The following PRDM16 variants were observed in gnomAD, a reference collection of about 807,000 sequenced individuals.
PRDM16 encodes PR/SET domain 16, also known as histone-lysine N-methyltransferase PRDM16.
Under a neutral mutation model 110.6 loss-of-function variants are expected in PRDM16, and 23 were observed. The ratio of observed to expected loss-of-function variants is 0.21; its 90% CI spans 0.15 to 0.29. PRDM16 has a LOEUF of 0.29. Among genes scored for constraint, PRDM16 ranks in the 10% least tolerant of loss-of-function variants. PRDM16 has a pLI of 1.00. For synonymous variants in PRDM16, 799 were observed against 781.8 expected (o/e 1.02, Z -0.37); for missense variants, 1,615 against 1,794.3 (o/e 0.90, Z 1.81).
intron 3 of PRDM16, among the ~76,000 whole-genome samples, chr1:3,356,366 G>A (rs759631218): frequency 3.9e-5 from 6 of 152,312 alleles, no homozygotes; most frequent in Middle Eastern, 3.4e-3. Flanking sequence ...CAGGACGTGC[G>A]GCTGCCGTCT....
chr1:3,317,001 C>A (rs1641623064), intron 3 of PRDM16, among the ~76,000 whole-genome samples: 1 of 152,092 alleles, frequency 6.6e-6, no homozygotes, highest in Non-Finnish European at 1.5e-5. Context: ...GAAGCAGTGA[C>A]ATGGGGTAGC....
chr1:3,429,294 G>A (rs554572815), intron 14 of PRDM16, among the ~76,000 whole-genome samples: 1 of 152,370 alleles, frequency 6.6e-6, no homozygotes, highest in South Asian at 2.1e-4. Context: ...AGCCAAACCA[G>A]CCACTGGGCC....
chr1:3,103,974 C>A (rs573761772), intron 1 of PRDM16, among the ~76,000 whole-genome samples: 2 of 152,332 alleles, frequency 1.3e-5, no homozygotes, highest in Admixed American at 1.3e-4. Flanking sequence ...CAAACCTATA[C>A]AATTTTTTAA....
At chr1:3,291,495 C>T (rs1348705942) in intron 3 of PRDM16, among the ~76,000 whole-genome samples, 2 of 152,160 alleles carry the variant, frequency 1.3e-5, no homozygotes, top group African/African-American at 4.8e-5. Context: ...ATCACTGATC[C>T]AGCAGCTGAA....
At chr1:3,415,506 C>T (rs1014155660) in intron 10 of PRDM16, among the ~76,000 whole-genome samples, 1 of 152,258 alleles carries the variant, frequency 6.6e-6, no homozygotes, top group Non-Finnish European at 1.5e-5. Context: ...CTTAGCGCCT[C>T]CCATTGTTTC....
intron 3 of PRDM16, among the ~76,000 whole-genome samples, chr1:3,328,031 C>T (rs1428879150): frequency 6.6e-6 from 1 of 152,244 alleles, no homozygotes; most frequent in Non-Finnish European, 1.5e-5. Flanking sequence ...GGACCGGAAT[C>T]CCCCACAGGA....
chr1:3,432,050 T>C lies in PRDM16; in HGVS notation c.3606T>C (p.Ala1202=), dbSNP rs1323540261. 1 of 1,613,916 alleles carries C rather than the reference T, an allele frequency of 6.2e-7. No individual in the cohort carries two copies. The highest frequency in any genetic ancestry group is 8.5e-7 in the Non-Finnish European group (1 of 1,179,936). The change falls in exon 16 of 17, where the codon GCT becomes GCC. Residue 1202 remains alanine, a synonymous_variant. Coordinates refer to ENST00000270722, the MANE Select transcript of PRDM16 (RefSeq NM_022114.4). ...AGGGGCTGGACCTCCGCAGAGCAGC[T>C]GAGGAAGCATTTGAAGTTAAAGATG... is the stretch of plus-strand genomic sequence containing the variant. ...FGKGLDLRRA[A]EEAFEVKDVL... is the part of the protein sequence containing the mutation.
chr1:3,145,932 G>A (rs1643640840), intron 1 of PRDM16, among the ~76,000 whole-genome samples: 2 of 152,326 alleles, frequency 1.3e-5, no homozygotes, highest in South Asian at 2.1e-4. Context: ...AGGTCCCCCG[G>A]CGCCCCCCGG....
chr1:3,214,399 A>C (rs1468193578), intron 2 of PRDM16, among the ~76,000 whole-genome samples: 7 of 152,204 alleles, frequency 4.6e-5, no homozygotes, highest in Non-Finnish European at 1.5e-5. Flanking sequence ...CGCAGGCCTC[A>C]GAACTCCAAG....
At chr1:3,174,067 G>A (rs1025266154) in intron 1 of PRDM16, among the ~76,000 whole-genome samples, 2 of 152,206 alleles carry the variant, frequency 1.3e-5, no homozygotes, top group Non-Finnish European at 2.9e-5. Context: ...CTACTCCGGA[G>A]GCCAGAGACA....
intron 14 of PRDM16, 74 bp downstream of exon 14, chr1:3,426,299 T>A: frequency 7.8e-7 from 1 of 1,282,048 alleles, no homozygotes; most frequent in Admixed American, 1.8e-5. Context: ...TCAGAGGACA[T>A]GCACCTCCAC....
At chr1:3,100,724 C>A (rs1188538086) in intron 1 of PRDM16, among the ~76,000 whole-genome samples, 1 of 152,168 alleles carries the variant, frequency 6.6e-6, no homozygotes, top group African/African-American at 2.4e-5. Context: ...TACACCCACA[C>A]ACGCCCTATA....
chr1:3,076,855 C>A (rs1395120942), intron 1 of PRDM16, among the ~76,000 whole-genome samples: 1 of 152,226 alleles, frequency 6.6e-6, no homozygotes, highest in Non-Finnish European at 1.5e-5. Context: ...TCTCCTCTGA[C>A]ACCAAATGTA....
intron 1 of PRDM16, among the ~76,000 whole-genome samples, chr1:3,146,654 C>T (rs147201817): frequency 0.038 from 4,548 of 120,642 alleles, 160 homozygotes; most frequent in Admixed American, 0.064. Flanking sequence ...TGTGTGTGTG[C>T]ACGTGTGTGC....
chr1:3,172,723 C>T (rs920679272), intron 1 of PRDM16, among the ~76,000 whole-genome samples: 32 of 152,288 alleles, frequency 2.1e-4, no homozygotes, highest in Admixed American at 2.0e-3. Context: ...ATCCCACTTA[C>T]GGGAGGTCCC....
At chr1:3,297,358 G>C (rs1187716840) in intron 3 of PRDM16, among the ~76,000 whole-genome samples, 1 of 146,712 alleles carries the variant, frequency 6.8e-6, no homozygotes, top group Non-Finnish European at 1.5e-5. Context: ...ATCTTGGCTC[G>C]CTGCAACCTC....
intron 2 of PRDM16, among the ~76,000 whole-genome samples, chr1:3,194,633 G>GA: frequency 6.8e-6 from 1 of 147,194 alleles, no homozygotes; most frequent in Non-Finnish European, 1.5e-5. Context: ...ACACGCCACC[G>GA]TCTCCCCGCC....
At chr1:3,233,884 G>T (rs1172663057) in intron 2 of PRDM16, among the ~76,000 whole-genome samples, 5 of 146,084 alleles carry the variant, frequency 3.4e-5, no homozygotes, top group Non-Finnish European at 7.4e-5. Context: ...AAGTGTTGGG[G>T]TTTTTTTAAA....
In PRDM16 at chr1:3,432,126, C is replaced by T; in HGVS notation, c.3682C>T (p.Gln1228Ter). The change falls in exon 16 of 17, where the codon CAG becomes TAG. Residue 1228 changes from glutamine (Q) to a stop codon, truncating the protein, a stop_gained. Coordinates refer to ENST00000270722, the MANE Select transcript of PRDM16 (RefSeq NM_022114.4). LOFTEE classifies it low-confidence loss of function (END_TRUNC). ...SEALKHTLCRQAKNQAYAMML... is the reference protein window; with the variant it reads ...SEALKHTLCR ...GGCTTTAAAACATACACTGTGCAGG[C>T]AGGCTAAGAACCAGGTAGGTACCCG... 1.2e-6 allele frequency: 2 copies of T among 1,613,584 alleles called. No homozygotes were observed. Among genetic ancestry groups the T allele is most frequent in the Non-Finnish European group, 1.7e-6 (2 of 1,179,860 alleles).
Sources: allele counts gnomAD v4.1 joint callset (sites outside exome capture counted in the v4.1 genomes callset), GRCh38; gene constraint gnomAD v4.1.1; transcripts MANE v1.5; gene names NCBI Gene and HGNC (gene_info 2026-07-23, HGNC 2026-07-21).